The following CNTN5 variants were observed in gnomAD, a reference collection of about 807,000 sequenced individuals.
CNTN5 encodes the protein contactin 5.
Under a neutral mutation model 129.1 loss-of-function variants are expected in CNTN5, and 77 were observed. That is an observed-to-expected ratio of 0.60 (90% CI 0.50 to 0.72). CNTN5 has a LOEUF of 0.72. Ranked by LOEUF, CNTN5 falls within the 30% of genes least tolerant of loss-of-function variation. CNTN5 has a pLI of 0.00. For synonymous variants in CNTN5, 509 were observed against 465.6 expected (o/e 1.09, Z -1.20); for missense variants, 1,478 against 1,328.8 (o/e 1.11, Z -1.75).
intron 3 of CNTN5, among the ~76,000 whole-genome samples, chr11:99,776,550 G>C (rs893841413): frequency 2.0e-5 from 3 of 150,994 alleles, no homozygotes; most frequent in African/African-American, 7.3e-5. Flanking sequence ...TTTAAAAGTA[G>C]AATGTTATTC....
intron 1 of CNTN5, among the ~76,000 whole-genome samples, chr11:99,099,516 G>C (rs1565316081): frequency 6.7e-6 from 1 of 150,232 alleles, no homozygotes; most frequent in Non-Finnish European, 1.5e-5. Flanking sequence ...GTCACCCCAG[G>C]AACGTCTTTA....
intron 9 of CNTN5, 51 bp downstream of exon 9, chr11:100,002,187 C>T: frequency 2.5e-6 from 3 of 1,189,312 alleles, no homozygotes; most frequent in East Asian, 3.0e-5. Flanking sequence ...TAAAATGTGA[C>T]ATATCTTATT....
intron 15 of CNTN5, among the ~76,000 whole-genome samples, chr11:100,205,867 G>C (rs1286013017): frequency 6.6e-6 from 1 of 152,062 alleles, no homozygotes; most frequent in Non-Finnish European, 1.5e-5. Flanking sequence ...CCTGAAACCA[G>C]TCTTCCATGG....
intron 1 of CNTN5, among the ~76,000 whole-genome samples, chr11:99,071,986 A>G (rs1290442427): frequency 6.6e-6 from 1 of 152,166 alleles, no homozygotes; most frequent in Non-Finnish European, 1.5e-5. Flanking sequence ...CAATCAAACA[A>G]ACTTTTTCAC....
intron 7 of CNTN5, among the ~76,000 whole-genome samples, chr11:99,937,422 C>T (rs2136099391): frequency 6.6e-6 from 1 of 152,300 alleles, no homozygotes; most frequent in East Asian, 1.9e-4. Context: ...AACCGTTCTT[C>T]CCCTCAGGGA....
At chr11:99,103,535 T>C (rs372635012) in intron 1 of CNTN5, among the ~76,000 whole-genome samples, 4 of 152,166 alleles carry the variant, frequency 2.6e-5, no homozygotes, top group African/African-American at 7.2e-5. Flanking sequence ...ATGAGATTTA[T>C]AGCATGGATT....
rs1952395611 is a variant in CNTN5 at position 100,350,856 on chromosome 11, TACC to T, written c.3187_3189del (p.Pro1063del). The T allele has an allele frequency of 1.3e-6, 2 of 1,584,612 alleles. No individual in the cohort carries two copies. The highest frequency in any genetic ancestry group is 1.7e-6 in the Non-Finnish European group (2 of 1,163,014). ...GGAACAGCTAGTTCTCAAATTAGGG[TACC>T]ATCATATTCAGGTAAGTTTTGACAC... is the stretch of plus-strand genomic sequence containing the variant. On this transcript the variant is annotated inframe_deletion, in exon 24 of 25. Transcript: ENST00000524871.
chr11:99,179,377 G>C (rs545848625), intron 1 of CNTN5, among the ~76,000 whole-genome samples: 99 of 152,202 alleles, frequency 6.5e-4, no homozygotes, highest in Admixed American at 6.0e-3. Flanking sequence ...GGGAGGCAGA[G>C]GTTACAGTGA....
At chr11:99,633,701 A>G (rs1247943612) in intron 3 of CNTN5, among the ~76,000 whole-genome samples, 1 of 152,222 alleles carries the variant, frequency 6.6e-6, no homozygotes, top group Non-Finnish European at 1.5e-5. Context: ...CCACAAAAGA[A>G]AAGCCCATTG....
chr11:99,037,547 G>A (rs943794845), intron 1 of CNTN5, among the ~76,000 whole-genome samples: 17 of 148,590 alleles, frequency 1.1e-4, no homozygotes, highest in African/African-American at 4.2e-4. Flanking sequence ...TTAATGCTCT[G>A]GGACATATTT....
At chr11:99,557,683 T>C (rs1263993192) in intron 3 of CNTN5, among the ~76,000 whole-genome samples, 2 of 151,724 alleles carry the variant, frequency 1.3e-5, no homozygotes, top group Non-Finnish European at 3.0e-5. Context: ...GTACCAAAAG[T>C]ATAACTTCAA....
intron 13 of CNTN5, among the ~76,000 whole-genome samples, chr11:100,077,554 C>A (rs769276912): frequency 2.6e-5 from 4 of 152,052 alleles, no homozygotes; most frequent in Non-Finnish European, 5.9e-5. Context: ...AGGTACAGTT[C>A]TCATGCCTAT....
chr11:100,174,777 A>G (rs1947914154), intron 13 of CNTN5, among the ~76,000 whole-genome samples: 1 of 152,068 alleles, frequency 6.6e-6, no homozygotes, highest in African/African-American at 2.4e-5. Context: ...TTAGCACACA[A>G]GTCTCTGCAG....
At chr11:99,591,612 A>G (rs936078985) in intron 3 of CNTN5, among the ~76,000 whole-genome samples, 6 of 152,146 alleles carry the variant, frequency 3.9e-5, no homozygotes, top group African/African-American at 1.2e-4. Context: ...TGCTGGAATT[A>G]CAGGCGTGAG....
chr11:99,145,688 A>G (rs963641585), intron 1 of CNTN5, among the ~76,000 whole-genome samples: 1 of 152,186 alleles, frequency 6.6e-6, no homozygotes, highest in African/African-American at 2.4e-5. Context: ...TAGGTAAAAG[A>G]CATGTCAGCT....
At chr11:99,096,641 G>A (rs1034901857) in intron 1 of CNTN5, among the ~76,000 whole-genome samples, 2 of 151,812 alleles carry the variant, frequency 1.3e-5, no homozygotes, top group Non-Finnish European at 3.0e-5. Flanking sequence ...TCTGACAGTA[G>A]GACCCAGTTG....
intron 3 of CNTN5, among the ~76,000 whole-genome samples, chr11:99,687,288 C>T (rs1953837516): frequency 6.6e-6 from 1 of 152,046 alleles, no homozygotes; most frequent in South Asian, 2.1e-4. Context: ...ATTATATTAA[C>T]AAGGTCAATA....
chr11:100,131,883 T>C (rs1565271481), intron 13 of CNTN5, among the ~76,000 whole-genome samples: 1 of 151,972 alleles, frequency 6.6e-6, no homozygotes, highest in South Asian at 2.1e-4. Context: ...GATAGAAGCA[T>C]GTACAGAGTA....
intron 7 of CNTN5, among the ~76,000 whole-genome samples, chr11:99,943,398 A>G (rs1218968334): frequency 3.3e-5 from 5 of 151,792 alleles, no homozygotes; most frequent in African/African-American, 1.2e-4. Flanking sequence ...TTTTCTTGTA[A>G]ATTTGTTTAA....
Sources: allele counts gnomAD v4.1 joint callset (sites outside exome capture counted in the v4.1 genomes callset), GRCh38; gene constraint gnomAD v4.1.1; transcripts MANE v1.5; gene names NCBI Gene and HGNC (gene_info 2026-07-23, HGNC 2026-07-21).